The following ESRRG variants were observed in gnomAD, a reference collection of about 807,000 sequenced individuals.
The protein encoded by ESRRG is estrogen related receptor gamma, also known as estrogen-related receptor gamma.
ESRRG carries 13 observed loss-of-function variants against 44.0 expected under a neutral mutation model. The ratio of observed to expected loss-of-function variants is 0.30; its 90% confidence interval spans 0.19 to 0.47. The LOEUF is 0.47. ESRRG is among the 20% of genes least tolerant of loss of function. ESRRG has a pLI of 1.00. For synonymous variants in ESRRG, 215 were observed against 214.6 expected (o/e 1.00, Z -0.02); for missense variants, 395 against 580.6 (o/e 0.68, Z 3.29).
chr1:216,832,515 T>A (rs994870063), intron 2 of ESRRG, among the ~76,000 whole-genome samples: 1 of 152,146 alleles, frequency 6.6e-6, no homozygotes, highest in African/African-American at 2.4e-5. Flanking sequence ...CTGAGGAGCA[T>A]CTTACATTCA....
rs80172334 is a variant in ESRRG, at chr1:216,954,774, C to T, written c.-105-15101G>A. Among the ~76,000 whole-genome samples the T allele has an allele frequency of 2.5e-3, 379 of 152,212 alleles. 4 individuals carry two copies. In the East Asian group the frequency reaches 0.039, roughly 16 times the overall value. ...ATTAAGACACTTGCCAGCTGACAGG[C>T]AGAGGAGTAAGTTGTGACATCTCAG... On this transcript the variant is annotated intron_variant, in intron 1 of 7. Coordinates refer to the ESRRG transcript ENST00000359162.
intron 2 of ESRRG, among the ~76,000 whole-genome samples, chr1:216,728,931 C>T (rs867779092): frequency 2.6e-5 from 4 of 152,262 alleles, no homozygotes; most frequent in Admixed American, 1.3e-4. Flanking sequence ...TGATAAGAGT[C>T]TCCTTCCCCC....
chr1:217,081,216 A>G (rs2091734384), intron 1 of ESRRG, among the ~76,000 whole-genome samples: 1 of 67,060 alleles, frequency 1.5e-5, no homozygotes, highest in Non-Finnish European at 2.9e-5. Flanking sequence ...ATAGATAAAA[A>G]TATTCTTTTT....
chr1:216,912,048 G>A (rs7541199), intron 2 of ESRRG, among the ~76,000 whole-genome samples: 62,478 of 148,716 alleles, frequency 0.42, 13,646 homozygotes, highest in Middle Eastern at 0.56. Context: ...GCAGTGAGCT[G>A]AGATTGTCCC....
intron 1 of ESRRG, among the ~76,000 whole-genome samples, chr1:216,942,380 G>A (rs2065389222): frequency 6.6e-6 from 1 of 152,052 alleles, no homozygotes; most frequent in South Asian, 2.1e-4. Context: ...TACATATGAG[G>A]GCAGGTGTCT....
intron 2 of ESRRG, among the ~76,000 whole-genome samples, chr1:216,765,440 C>T (rs1404621619): frequency 6.6e-6 from 1 of 152,166 alleles, no homozygotes; most frequent in Non-Finnish European, 1.5e-5. Flanking sequence ...AGATGAGAAA[C>T]CTGAGGCAGG....
Position 216,506,508 on chromosome 1 carries a change from A to C in ESRRG, c.*431T>G. ...GGAAAGAAAGGGAAAGGAAAGGGGG[A>C]AGGGAGGATTTTTTTTTAAACTAAA... On this transcript the variant is annotated 3_prime_UTR_variant, in exon 7 of 7. Coordinates refer to ENST00000408911, the MANE Select transcript of ESRRG (RefSeq NM_001438.4). The C allele has an allele frequency of 2.6e-6, 1 of 385,830 alleles. No homozygotes were observed. The highest frequency in any genetic ancestry group is 1.9e-5 in the South Asian group (1 of 53,644). The allele number at this position is 385,830 out of a possible 1,614,324, so 23.9% of individuals were successfully genotyped here. A position where few individuals can be genotyped will look rare whatever the true frequency, so the allele number is the denominator to read the frequency against.
chr1:216,977,008 A>G (rs572606785), intron 1 of ESRRG, among the ~76,000 whole-genome samples: 7 of 152,264 alleles, frequency 4.6e-5, no homozygotes, highest in African/African-American at 1.7e-4. Context: ...TGTAGTGCTC[A>G]CTTAGTATAA....
chr1:216,705,545 T>C (rs1051799087), intron 1 of ESRRG, among the ~76,000 whole-genome samples: 14 of 152,182 alleles, frequency 9.2e-5, no homozygotes, highest in African/African-American at 3.4e-4. Context: ...TGCCCATATT[T>C]GAAGTGCAAA....
intron 1 of ESRRG, among the ~76,000 whole-genome samples, chr1:217,068,531 A>C (rs1223857369): frequency 6.6e-6 from 1 of 152,066 alleles, no homozygotes; most frequent in African/African-American, 2.4e-5. Flanking sequence ...ATATTTTTTT[A>C]ACAAGCCGTG....
intron 2 of ESRRG, chr1:216,939,458 C>T (rs998360659): frequency 1.3e-5 from 2 of 148,360 alleles, no homozygotes; most frequent in African/African-American, 5.0e-5. Context: ...TACTAGCCAA[C>T]ACCACAATAG....
At chr1:216,539,173 A>T (rs59029752) in intron 5 of ESRRG, among the ~76,000 whole-genome samples, 1 of 149,954 alleles carries the variant, frequency 6.7e-6, no homozygotes, top group African/African-American at 2.5e-5. Flanking sequence ...GTTATAAGGA[A>T]GGAAAAAGTC....
At chr1:216,722,203 C>T (rs1047385760) in intron 1 of ESRRG, among the ~76,000 whole-genome samples, 2 of 152,142 alleles carry the variant, frequency 1.3e-5, no homozygotes, top group South Asian at 4.1e-4. Context: ...GAAATGTTTG[C>T]CAAGGGCACT....
intron 3 of ESRRG, among the ~76,000 whole-genome samples, chr1:216,604,053 G>C (rs1435972312): frequency 6.6e-6 from 1 of 151,876 alleles, no homozygotes; most frequent in Non-Finnish European, 1.5e-5. Context: ...TTAAAAGAAA[G>C]AGTGTACATA....
At chr1:216,713,278 C>A (rs1033538127) in intron 1 of ESRRG, among the ~76,000 whole-genome samples, 1 of 150,852 alleles carries the variant, frequency 6.6e-6, no homozygotes, top group African/African-American at 2.4e-5. Flanking sequence ...AAGGGAGGTG[C>A]TTTAAGATGG....
chr1:216,685,464 T>C (rs1439203926), intron 1 of ESRRG, among the ~76,000 whole-genome samples: 1 of 152,196 alleles, frequency 6.6e-6, no homozygotes, highest in Non-Finnish European at 1.5e-5. Flanking sequence ...CAGACAATTC[T>C]GTTTTCAAGC....
intron 1 of ESRRG, among the ~76,000 whole-genome samples, chr1:217,121,117 A>AATATAT (rs1175277045): frequency 1.1e-3 from 108 of 94,036 alleles, no homozygotes; most frequent in African/African-American, 3.3e-3. Context: ...GGTCTTGAAG[A>AATATAT]ATACACACAC....
At chr1:216,999,730 T>G (rs1163522461) in intron 1 of ESRRG, among the ~76,000 whole-genome samples, 1 of 133,088 alleles carries the variant, frequency 7.5e-6, no homozygotes, top group Non-Finnish European at 1.7e-5. Context: ...TGAGAAGAAA[T>G]GTATTTTTGT....
chr1:216,685,290 T>C (rs757822382), intron 1 of ESRRG, among the ~76,000 whole-genome samples: 1 of 152,134 alleles, frequency 6.6e-6, no homozygotes, highest in Non-Finnish European at 1.5e-5. Context: ...AAATGAAGCT[T>C]ACAATATATG....
Sources: gnomAD v4.1 joint callset for allele counts (sites outside exome capture counted in the v4.1 genomes callset) on GRCh38, gnomAD v4.1.1 for gene constraint, MANE v1.5 for transcripts, NCBI Gene and HGNC (gene_info 2026-07-23, HGNC 2026-07-21) for gene names.